The following LRP4 variants were observed in gnomAD, a reference collection of about 807,000 sequenced individuals.
LRP4 encodes the protein low-density lipoprotein receptor-related protein 4.
A neutral mutation model predicts 220.3 loss-of-function variants in LRP4; 95 were observed. That is an observed-to-expected ratio of 0.43 (90% confidence interval 0.37 to 0.51). LRP4 has a LOEUF of 0.51. Among genes scored for constraint, LRP4 ranks in the 20% least tolerant of loss-of-function variants. The pLI, the probability that LRP4 is intolerant of heterozygous loss-of-function variation, is 0.00. For synonymous variants in LRP4, 903 were observed against 954.6 expected, an observed-to-expected ratio of 0.95 and a Z score of 1.00; for missense variants, 1,925 against 2,567.0, an observed-to-expected ratio of 0.75 and a Z score of 5.40.
Position 46,877,306 on chromosome 11 carries a change from A to G in LRP4, c.3170T>C (p.Ile1057Thr), listed in dbSNP as rs1941046287. 3 of 1,614,110 alleles carry G rather than the reference A, an allele frequency of 1.9e-6. No individual in the cohort carries two copies. Among genetic ancestry groups the G allele is most frequent in the African/African-American group, 1.3e-5 (1 of 75,010 alleles). Residue 1057 changes from isoleucine to threonine, a missense_variant, in exon 23 of 38, where the codon ATA (isoleucine) becomes ACA (threonine). Physicochemically the swap from Ile to Thr is moderately conservative, Grantham distance 89. Coordinates refer to ENST00000378623, the MANE Select transcript of LRP4 (RefSeq NM_002334.4). ...GTCCAGGGAGACCATGCGAATGTCT[A>G]TCCTCCTGGCGAAGATGAGGAAACT... ...MNSFLIFARR[I>T]DIRMVSLDIP...
Position 46,869,034 on chromosome 11 carries a change from C to T in LRP4, c.4791G>A (p.Val1597=). ...CCACGATGATATCCATGAGTCCTTC[C>T]ACATTTGCCAGCACTGTCTCCTTGT... ...GRNKETVLAN[V]EGLMDIIVVS... The change falls in exon 32 of 38, where the codon GTG becomes GTA. Residue 1597 remains valine, a synonymous_variant. Coordinates refer to ENST00000378623, the MANE Select transcript of LRP4 (RefSeq NM_002334.4). 1.2e-6 allele frequency: 2 copies of T among 1,614,174 alleles called. No individual in the cohort carries two copies. The highest frequency in any genetic ancestry group is 1.7e-6 in the Non-Finnish European group (2 of 1,180,040).
chr11:46,884,485 C>T (rs1486372742), intron 18 of LRP4, among the ~76,000 whole-genome samples: 1 of 151,964 alleles, frequency 6.6e-6, no homozygotes, highest in African/African-American at 2.4e-5. Flanking sequence ...ACCTGTAATC[C>T]CAGCAGTTTG....
At chr11:46,888,613 T>C (rs192379947) in intron 16 of LRP4, among the ~76,000 whole-genome samples, 7 of 147,330 alleles carry the variant, frequency 4.8e-5, no homozygotes, top group Admixed American at 2.1e-4. Context: ...ATTAGGTTCT[T>C]AGTTAATATG....
chr11:46,900,790 CTTTT>C (rs35979071), intron 2 of LRP4, among the ~76,000 whole-genome samples: 1 of 132,818 alleles, frequency 7.5e-6, no homozygotes. Flanking sequence ...GGCGCCTGGC[CTTTT>C]TTTTTTTTTT....
Position 46,898,151 on chromosome 11 carries a change from C to T in LRP4, c.796+407G>A, listed in dbSNP as rs1941584019. On this transcript the variant is annotated intron_variant, in intron 7 of 37. Transcript: ENST00000378623. ...TGGGGCGGCTGGCCGGGCAGAGGGG[C>T]TCCTCACTTCCCAGTAGGGGCGGCC... Among the ~76,000 whole-genome samples the T allele has an allele frequency of 4.6e-5, 7 of 151,960 alleles. No homozygotes were observed. In the South Asian group the frequency reaches 1.2e-3, roughly 27 times the overall value.
intron 1 of LRP4, among the ~76,000 whole-genome samples, chr11:46,909,955 G>C (rs571534004): frequency 2.2e-4 from 33 of 152,118 alleles, no homozygotes; most frequent in South Asian, 1.2e-3. Flanking sequence ...TGTATTATCC[G>C]GCTGTGAAAC....
chr11:46,859,793 C>T (rs1940491338), intron 37 of LRP4, among the ~76,000 whole-genome samples: 1 of 152,170 alleles, frequency 6.6e-6, no homozygotes, highest in South Asian at 2.1e-4. Flanking sequence ...GGACATCATG[C>T]TGATATAAAT....
At chr11:46,908,566 G>A (rs1237237330) in intron 1 of LRP4, among the ~76,000 whole-genome samples, 2 of 152,162 alleles carry the variant, frequency 1.3e-5, no homozygotes, top group African/African-American at 2.4e-5. Flanking sequence ...TTACTGTTGT[G>A]AGAATCTCCA....
At chr11:46,884,476 C>T (rs1246264331) in intron 18 of LRP4, among the ~76,000 whole-genome samples, 4 of 152,012 alleles carry the variant, frequency 2.6e-5, no homozygotes, top group African/African-American at 9.7e-5. Context: ...GTGGCTCACA[C>T]CTGTAATCCC....
chr11:46,870,845 C>T (rs1353847019), intron 31 of LRP4, among the ~76,000 whole-genome samples: 1 of 152,140 alleles, frequency 6.6e-6, no homozygotes, highest in African/African-American at 2.4e-5. Context: ...AAATGGGTAG[C>T]GATAACATGT....
intron 13 of LRP4, among the ~76,000 whole-genome samples, chr11:46,892,593 A>C (rs1027453629): frequency 7.0e-6 from 1 of 142,914 alleles, no homozygotes; most frequent in African/African-American, 2.6e-5. Context: ...TTTTTTCGAG[A>C]CAGAGTCTTG....
chr11:46,900,029 G>A, intron 3 of LRP4, 53 bp from the exon 4 acceptor site: 1 of 1,438,940 alleles, frequency 6.9e-7, no homozygotes, highest in Non-Finnish European at 9.8e-7. Context: ...CTGGTGCCTG[G>A]AAGCCTGACT....
chr11:46,895,874 C>A lies in LRP4; in HGVS notation c.1183+10G>T. The A allele has an allele frequency of 6.2e-7, 1 of 1,611,570 alleles. No homozygotes were observed. The highest frequency in any genetic ancestry group is 8.5e-7 in the Non-Finnish European group (1 of 1,179,918). ...ACCCCGACTCTGCTGCAAACCAGGCCCCAGCTCACCTTGGCACGTGTGCCC... is the reference window on the plus strand; with the variant it reads ...ACCCCGACTCTGCTGCAAACCAGGCACCAGCTCACCTTGGCACGTGTGCCC... On this transcript the variant is annotated intron_variant, in intron 10 of 37. Transcript: ENST00000378623.
At chr11:46,898,728 G>A (rs748936482) in intron 6 of LRP4, 51 bp from the exon 7 acceptor site, 37 of 1,612,344 alleles carry the variant, frequency 2.3e-5, no homozygotes, top group Non-Finnish European at 3.0e-5. Context: ...AGTGTCCCAT[G>A]GCAGACTAGA....
Position 46,890,585 on chromosome 11 carries a change from A to C in LRP4, c.1698-91T>G. ...CAGGTAGGGCGCTTTTATCCATTTA[A>C]CTCAGGGGACTCCAATGTTTGGTCC... On this transcript the variant is annotated intron_variant, in intron 13 of 37. Transcript: ENST00000378623. The surrounding 1 kb of genome is among the most constrained non-coding windows in gnomAD (Gnocchi z 5.3). 1 of 832,226 alleles carries C rather than the reference A, an allele frequency of 1.2e-6. No individual in the cohort carries two copies. Among genetic ancestry groups the C allele is most frequent in the Non-Finnish European group, 2.0e-6 (1 of 503,224 alleles). 51.6% of individuals were successfully genotyped at this position (832,226 alleles called of 1,614,324 possible).
chr11:46,885,772 C>CAAAA (rs34867767), intron 18 of LRP4, among the ~76,000 whole-genome samples: 1 of 57,186 alleles, frequency 1.7e-5, no homozygotes, highest in Admixed American at 1.8e-4. Context: ...GACTCCGCCT[C>CAAAA]AAAAAAAAAA....
In LRP4 at chr11:46,875,971, G is replaced by A. The variant is rs1592523907; in HGVS notation, c.3537-5C>T. 2 of 1,613,970 alleles carry A rather than the reference G, an allele frequency of 1.2e-6. No individual in the cohort carries two copies. Among genetic ancestry groups the A allele is most frequent in the Non-Finnish European group, 1.7e-6 (2 of 1,179,852 alleles). ...CAGTCTGTCCAGTACATAAACCTGAGTGAGGAAGAATATTAGCTATATTAG... is the reference window on the plus strand; with the variant it reads ...CAGTCTGTCCAGTACATAAACCTGAATGAGGAAGAATATTAGCTATATTAG... On this transcript the variant is annotated splice_polypyrimidine_tract_variant and splice_region_variant and intron_variant, in intron 25 of 37. Coordinates refer to ENST00000378623, the MANE Select transcript of LRP4 (RefSeq NM_002334.4). The surrounding 1 kb of genome is among the most constrained non-coding windows in gnomAD (Gnocchi z 4.5).
chr11:46,898,823 C>T, intron 6 of LRP4, 81 bp downstream of exon 6: 2 of 1,607,730 alleles, frequency 1.2e-6, no homozygotes, highest in Non-Finnish European at 1.7e-6. Context: ...AACTCCTGCC[C>T]CAGCTGGCGA....
chr11:46,899,613 C>T lies in LRP4; in HGVS notation c.431-110G>A, dbSNP rs900360908. ...GCTTTGGCGGGTCTGACCTAGCCCC[C>T]GAAAGGCACCCCAGAGTCAGTGCAG... is the stretch of plus-strand genomic sequence containing the variant. On this transcript the variant is annotated intron_variant, in intron 4 of 37. Coordinates refer to ENST00000378623, the MANE Select transcript of LRP4 (RefSeq NM_002334.4). This position sits in a 1 kb window ranked among gnomAD's most constrained non-coding sequence, Gnocchi z 5.9. 46 of 839,414 alleles carry T rather than the reference C, an allele frequency of 5.5e-5. No homozygotes were observed. Among genetic ancestry groups the T allele is most frequent in the Admixed American group, 1.4e-4 (8 of 58,044 alleles). 52.0% of individuals were successfully genotyped at this position (839,414 alleles called of 1,614,324 possible).
Sources: gnomAD v4.1 joint callset for allele counts (sites outside exome capture counted in the v4.1 genomes callset) on GRCh38, gnomAD v4.1.1 for gene constraint, Gnocchi (gnomAD v3.1) non-coding constraint, MANE v1.5 for transcripts, NCBI Gene and HGNC (gene_info 2026-07-23, HGNC 2026-07-21) for gene names.